Variants in PTK2B observed in about 807,000 individuals in gnomAD.
PTK2B encodes the protein protein-tyrosine kinase 2-beta.
A neutral mutation model predicts 142.9 loss-of-function variants in PTK2B; 71 were observed. The observed-to-expected ratio is 0.50, with a 90% confidence interval of 0.41 to 0.61. The LOEUF (loss-of-function observed/expected upper bound fraction) is 0.61. Ranked by LOEUF, PTK2B falls within the 20% of genes least tolerant of loss-of-function variation. PTK2B has a pLI of 0.00. For missense variants in PTK2B, 1,105 were observed against 1,320.4 expected, an observed-to-expected ratio of 0.84 and a Z score of 2.53; for synonymous variants, 519 against 503.4, an observed-to-expected ratio of 1.03 and a Z score of -0.42.
chr8:27,392,726 C>A (rs1294612973), intron 1 of PTK2B, among the ~76,000 whole-genome samples: 3 of 152,188 alleles, frequency 2.0e-5, no homozygotes, highest in African/African-American at 7.2e-5. Flanking sequence ...TGGAACCGTT[C>A]ATTTACTTTG....
chr8:27,432,730 G>T (rs1261987019), intron 10 of PTK2B, among the ~76,000 whole-genome samples: 5 of 150,662 alleles, frequency 3.3e-5, no homozygotes, highest in Non-Finnish European at 7.4e-5. Flanking sequence ...TTGTTTGTTT[G>T]TTTTTTACAG....
chr8:27,384,478 G>T (rs1255062537), intron 1 of PTK2B, among the ~76,000 whole-genome samples: 1 of 152,122 alleles, frequency 6.6e-6, no homozygotes, highest in Non-Finnish European at 1.5e-5. Context: ...GGAACAATTT[G>T]ACTTCCTCTT....
chr8:27,439,509 G>A (rs764205906), intron 20 of PTK2B, 111 bp downstream of exon 20: 19 of 1,217,926 alleles, frequency 1.6e-5, no homozygotes, highest in Admixed American at 1.9e-5. Flanking sequence ...TCCGTTCCCA[G>A]GGTTCTATTT....
At chr8:27,400,447 TA>T (rs61165579) in intron 2 of PTK2B, among the ~76,000 whole-genome samples, 65,494 of 136,664 alleles carry the variant, frequency 0.48, 15,873 homozygotes, top group African/African-American at 0.66. Flanking sequence ...AGGATTGAAT[TA>T]AAAAAAAAAA....
intron 1 of PTK2B, among the ~76,000 whole-genome samples, chr8:27,367,976 G>C (rs988453328): frequency 3.3e-5 from 5 of 152,246 alleles, no homozygotes; most frequent in African/African-American, 4.8e-5. Context: ...CAGGGTCTCT[G>C]ATTCCACAAG....
chr8:27,400,470 C>T (rs1808310101), intron 2 of PTK2B, among the ~76,000 whole-genome samples: 1 of 149,354 alleles, frequency 6.7e-6, no homozygotes, highest in Admixed American at 6.7e-5. Context: ...AAAAACCTGG[C>T]CAATGGGAGA....
intron 1 of PTK2B, among the ~76,000 whole-genome samples, chr8:27,333,062 C>T (rs1039647209): frequency 6.6e-6 from 1 of 152,220 alleles, no homozygotes; most frequent in African/African-American, 2.4e-5. Context: ...TGGCTATGGA[C>T]TCTGGGAATG....
upstream of PTK2B, among the ~76,000 whole-genome samples, chr8:27,323,720 C>T (rs1203609847): frequency 6.6e-6 from 1 of 152,104 alleles, no homozygotes; most frequent in Non-Finnish European, 1.5e-5. Flanking sequence ...CCTAGGGAGA[C>T]CTGATGGCGG....
At chr8:27,434,701 T>A in intron 13 of PTK2B, 142 bp downstream of exon 13, 1 of 1,007,880 alleles carries the variant, frequency 9.9e-7, no homozygotes, top group Non-Finnish European at 1.4e-6. Flanking sequence ...AGTGATGGCT[T>A]TAAAATATCG....
intron 2 of PTK2B, among the ~76,000 whole-genome samples, chr8:27,401,061 C>T (rs1563254076): frequency 6.6e-6 from 1 of 152,144 alleles, no homozygotes; most frequent in Non-Finnish European, 1.5e-5. Context: ...ATCACTTGAA[C>T]CTGGAAGGTG....
chr8:27,390,552 G>A (rs1807652416), intron 1 of PTK2B, among the ~76,000 whole-genome samples: 1 of 152,080 alleles, frequency 6.6e-6, no homozygotes, highest in Non-Finnish European at 1.5e-5. Flanking sequence ...AAGGCAAGAG[G>A]ATCACCTGAG....
chr8:27,446,004 C>T, intron 24 of PTK2B, 85 bp downstream of exon 24: 1 of 1,569,024 alleles, frequency 6.4e-7, no homozygotes, highest in Non-Finnish European at 8.7e-7. Context: ...AACCCCACGT[C>T]CTCAGCTCAG....
At chr8:27,425,908 A>G (rs1441305919) in intron 5 of PTK2B, among the ~76,000 whole-genome samples, 1 of 152,194 alleles carries the variant, frequency 6.6e-6, no homozygotes, top group Admixed American at 6.5e-5. Flanking sequence ...GGTGCTTTAT[A>G]AATGCCAAAT....
intron 2 of PTK2B, among the ~76,000 whole-genome samples, chr8:27,409,981 C>T (rs1260214478): frequency 6.6e-6 from 1 of 152,170 alleles, no homozygotes; most frequent in Non-Finnish European, 1.5e-5. Flanking sequence ...CTCGGCCTCC[C>T]AAAGGGCTGG....
At chr8:27,422,453 T>C (rs1346271664) in intron 5 of PTK2B, 70 bp downstream of exon 5, 3 of 1,333,910 alleles carry the variant, frequency 2.2e-6, no homozygotes, top group Non-Finnish European at 3.0e-6. Context: ...CCTTTCCCCA[T>C]GTCCAAGATG....
Position 27,445,873 on chromosome 8 carries a change from C to G in PTK2B, c.2294C>G (p.Thr765Ser). 6.2e-7 allele frequency: 1 copy of G among 1,614,130 alleles called. No homozygotes were observed. Among genetic ancestry groups the G allele is most frequent in the Non-Finnish European group, 8.5e-7 (1 of 1,180,044 alleles). ...EYPSPVNSLH[T>S]PPLHRHNVFK... ...CCATCTCCCGTTAACTCACTGCACA[C>G]CCCACCTCTCCACCGGCACAATGTC... Residue 765 changes from threonine (T) to serine (S), a missense_variant, in exon 24 of 31, where the codon ACC becomes AGC. Physicochemically the swap from Thr to Ser is moderately conservative, Grantham distance 58. Coordinates refer to ENST00000346049, the MANE Select transcript of PTK2B (RefSeq NM_173176.3).
Position 27,433,234 on chromosome 8 carries a change from C to G in PTK2B, c.988-201C>G, listed in dbSNP as rs1011964502. The G allele has an allele frequency of 2.0e-5, 11 of 551,142 alleles. No homozygotes were observed. The African/African-American group carries it at 2.1e-4, about 10-fold the overall frequency. The allele number at this position is 551,142 out of a possible 1,614,324, so 34.1% of individuals were successfully genotyped here. On this transcript the variant is annotated intron_variant, in intron 10 of 30. Coordinates refer to ENST00000346049, the MANE Select transcript of PTK2B (RefSeq NM_173176.3). ...AAAATAAGTGAGGCCTGGGACTGGCCTTTGGAGAGCATGGGCGTACAGGTG... is the reference window on the plus strand; with the variant it reads ...AAAATAAGTGAGGCCTGGGACTGGCGTTTGGAGAGCATGGGCGTACAGGTG...
intron 22 of PTK2B, 50 bp downstream of exon 22, chr8:27,443,033 G>T (rs1174663240): frequency 7.0e-7 from 1 of 1,438,420 alleles, no homozygotes; most frequent in Middle Eastern, 1.9e-4. Flanking sequence ...GCAAAGCCAG[G>T]TCCCTGTCTG....
intron 3 of PTK2B, among the ~76,000 whole-genome samples, chr8:27,320,429 C>G (rs140445295): frequency 1.3e-5 from 2 of 152,156 alleles, no homozygotes; most frequent in African/African-American, 4.8e-5. Flanking sequence ...AACTCCCCAC[C>G]CTGCCACCCC....
Sources: allele counts gnomAD v4.1 joint callset (sites outside exome capture counted in the v4.1 genomes callset), GRCh38; gene constraint gnomAD v4.1.1; transcripts MANE v1.5; gene names NCBI Gene and HGNC (gene_info 2026-07-23, HGNC 2026-07-21).